HPSE2: variants seen among roughly 807,000 people sequenced by gnomAD.
The protein encoded by HPSE2 is inactive heparanase-2.
In HPSE2, 38 loss-of-function variants were observed where a neutral mutation model predicts 60.5. The ratio of observed to expected loss-of-function variants is 0.63; its 90% CI spans 0.48 to 0.82. The LOEUF is 0.82. Among genes scored for constraint, HPSE2 ranks in the 40% least tolerant of loss-of-function variants. The pLI is 0.00. For missense variants in HPSE2, 713 were observed against 740.4 expected (o/e 0.96, Z 0.43); for synonymous variants, 295 against 293.2 (o/e 1.01, Z -0.06).
chr10:99,308,387 A>AAAAAAAAAAAAAAAAAG, the HPSE2 span, among the ~76,000 whole-genome samples: 1 of 146,828 alleles, frequency 6.8e-6, no homozygotes, highest in Non-Finnish European at 1.5e-5. Flanking sequence ...CTCAAAAAAA[A>AAAAAAAAAAAAAAAAAG]AAAAAAAAAG....
intron 3 of HPSE2, among the ~76,000 whole-genome samples, chr10:99,089,658 C>CT (rs367910031): frequency 1.8e-4 from 27 of 151,920 alleles, no homozygotes; most frequent in African/African-American, 3.4e-4. Flanking sequence ...TATCTGAGCT[C>CT]TTTTTTTTGG....
At chr10:98,967,295 A>T (rs1377940313) in intron 3 of HPSE2, among the ~76,000 whole-genome samples, 1 of 152,216 alleles carries the variant, frequency 6.6e-6, no homozygotes, top group East Asian at 1.9e-4. Flanking sequence ...GGAGTTTATG[A>T]TACTGTAGAA....
At chr10:98,657,494 G>A (rs1317856196) in intron 6 of HPSE2, among the ~76,000 whole-genome samples, 13 of 152,004 alleles carry the variant, frequency 8.6e-5, no homozygotes, top group African/African-American at 3.1e-4. Flanking sequence ...ACGCCACCAC[G>A]CCCAGATAAT....
rs551077888 is a variant in HPSE2 at position 98,492,183 on chromosome 10, T to C, written c.1321-1987A>G. 2.6e-5 allele frequency among the ~76,000 whole-genome samples: 4 copies of C among 152,336 alleles called. No individual in the cohort carries two copies. The East Asian group carries it at 7.7e-4, about 29-fold the overall frequency. Reference sequence around the variant, plus strand: ...CAATTTTCACTTAATGTGAGACATGTTTGTAAGCAAGCCACTCACATTTGG... The same window carrying C: ...CAATTTTCACTTAATGTGAGACATGCTTGTAAGCAAGCCACTCACATTTGG... On this transcript the variant is annotated intron_variant, in intron 9 of 11. Transcript: ENST00000370552.
At chr10:98,475,399 G>A (rs56022915) in intron 11 of HPSE2, among the ~76,000 whole-genome samples, 61,614 of 151,998 alleles carry the variant, frequency 0.41, 13,572 homozygotes, top group African/African-American at 0.6. Flanking sequence ...GATTACAGGC[G>A]TGAGCCACCG....
At chr10:99,010,879 A>T (rs1014028083) in intron 3 of HPSE2, among the ~76,000 whole-genome samples, 2 of 152,174 alleles carry the variant, frequency 1.3e-5, no homozygotes, top group African/African-American at 4.8e-5. Context: ...TGTTAAGTTC[A>T]GGGGTACATG....
chr10:98,592,978 C>T lies in HPSE2; in HGVS notation c.1320+21926G>A, dbSNP rs189869708. On this transcript the variant is annotated intron_variant, in intron 9 of 11. Transcript: ENST00000370552. ...TTCTTTTATGCAGCAGCTATAACTG[C>T]TCCTCAGAGTGGGCTATGGCTTCTA... is the stretch of plus-strand genomic sequence containing the variant. Among the ~76,000 whole-genome samples, 7 of 152,308 alleles carry T rather than the reference C, an allele frequency of 4.6e-5. No homozygotes were observed. In the East Asian group the frequency reaches 1.3e-3, roughly 29 times the overall value.
chr10:98,750,407 T>C (rs1949732406), intron 3 of HPSE2, among the ~76,000 whole-genome samples: 1 of 152,054 alleles, frequency 6.6e-6, no homozygotes, highest in Non-Finnish European at 1.5e-5. Flanking sequence ...CATTAGATGG[T>C]TTTGAATATG....
intron 3 of HPSE2, among the ~76,000 whole-genome samples, chr10:99,061,010 TAA>T (rs1223796979): frequency 1.3e-5 from 2 of 152,120 alleles, no homozygotes; most frequent in East Asian, 3.8e-4. Context: ...TTTTTTTATT[TAA>T]AAAAGTTTAA....
At chr10:98,620,295 T>C (rs757180005) in intron 8 of HPSE2, among the ~76,000 whole-genome samples, 3 of 152,202 alleles carry the variant, frequency 2.0e-5, no homozygotes, top group Non-Finnish European at 4.4e-5. Context: ...AAAATTGGCT[T>C]AGAAAATGTA....
intron 2 of HPSE2, among the ~76,000 whole-genome samples, chr10:99,184,500 G>A (rs1301471618): frequency 3.5e-5 from 4 of 113,956 alleles, no homozygotes; most frequent in Admixed American, 2.3e-4. Flanking sequence ...ACTCCAGCCT[G>A]GGCAACAGAG....
At chr10:98,665,281 A>C (rs946356653) in intron 6 of HPSE2, among the ~76,000 whole-genome samples, 2 of 152,222 alleles carry the variant, frequency 1.3e-5, no homozygotes, top group Non-Finnish European at 2.9e-5. Flanking sequence ...AACATACAGG[A>C]TAATGTAAAG....
chr10:98,598,110 T>C (rs1945297613), intron 9 of HPSE2, among the ~76,000 whole-genome samples: 1 of 152,094 alleles, frequency 6.6e-6, no homozygotes, highest in African/African-American at 2.4e-5. Context: ...ACTTGTCTTA[T>C]TGTGTTCTTT....
intron 9 of HPSE2, among the ~76,000 whole-genome samples, chr10:98,517,201 G>C (rs879642870): frequency 0.023 from 3,511 of 151,734 alleles, 150 homozygotes; most frequent in African/African-American, 0.079. Flanking sequence ...GTGTGGGGTG[G>C]GGGGGGCGAG....
intron 4 of HPSE2, among the ~76,000 whole-genome samples, chr10:98,729,619 TAAA>T (rs1446784047): frequency 1.3e-5 from 2 of 151,674 alleles, no homozygotes; most frequent in Non-Finnish European, 2.9e-5. Flanking sequence ...AAAAAATAAA[TAAA>T]TAAATAAATT....
intron 2 of HPSE2, among the ~76,000 whole-genome samples, chr10:99,213,075 A>G (rs1849002926): frequency 6.6e-6 from 1 of 152,200 alleles, no homozygotes; most frequent in African/African-American, 2.4e-5. Flanking sequence ...TACCAAAAGC[A>G]GTCAAACAGG....
chr10:98,739,269 T>C (rs61884642), intron 4 of HPSE2, among the ~76,000 whole-genome samples: 2,307 of 151,856 alleles, frequency 0.015, 22 homozygotes, highest in Non-Finnish European at 0.021. Context: ...GGGAGGTGAA[T>C]AATGAGAACA....
intron 2 of HPSE2, among the ~76,000 whole-genome samples, chr10:99,194,829 C>G (rs576294916): frequency 1.5e-4 from 23 of 152,068 alleles, no homozygotes; most frequent in African/African-American, 5.5e-4. Context: ...GAACTATTAC[C>G]AAACCTACTC....
At chr10:99,222,359 C>A (rs1415014510) in intron 2 of HPSE2, among the ~76,000 whole-genome samples, 1 of 152,032 alleles carries the variant, frequency 6.6e-6, no homozygotes, top group Non-Finnish European at 1.5e-5. Context: ...GCTGTGTTCC[C>A]TACTTGAATT....
Sources: allele counts gnomAD v4.1 joint callset (sites outside exome capture counted in the v4.1 genomes callset), GRCh38; gene constraint gnomAD v4.1.1; transcripts MANE v1.5; gene names NCBI Gene and HGNC (gene_info 2026-07-23, HGNC 2026-07-21).